The following RAPGEF6 variants were observed in gnomAD, a reference collection of about 807,000 sequenced individuals.
RAPGEF6 encodes PDZ domain containing guanine nucleotide exchange factor (GEF) 2.
RAPGEF6 carries 56 observed loss-of-function variants against 171.4 expected under a neutral mutation model. That is an observed-to-expected ratio of 0.33 (90% CI 0.26 to 0.41). The LOEUF is 0.41. Ranked by LOEUF, RAPGEF6 falls within the 10% of genes least tolerant of loss-of-function variation. RAPGEF6 has a pLI of 1.00. For missense variants in RAPGEF6, 1,674 were observed against 1,921.4 expected, an observed-to-expected ratio of 0.87 and a Z score of 2.41; for synonymous variants, 692 against 650.1, an observed-to-expected ratio of 1.06 and a Z score of -0.98.
chr5:131,479,556 A>C lies in RAPGEF6; in HGVS notation c.2038T>G (p.Leu680Val), dbSNP rs747206979. 1 of 1,613,988 alleles carries C rather than the reference A, an allele frequency of 6.2e-7. No individual in the cohort carries two copies. The highest frequency in any genetic ancestry group is 2.2e-5 in the East Asian group (1 of 44,832). ...AAGATACTAAATCGTGTTTTATCCAAAATCTTCCTGATTTTGTTTCTTCCA... is the reference window on the plus strand; with the variant it reads ...AAGATACTAAATCGTGTTTTATCCACAATCTTCCTGATTTTGTTTCTTCCA... ...SGGRNKIRKI[L>V]DKTRFSILPP... is the part of the protein sequence containing the mutation. The change falls in exon 16 of 28, where the codon TTG becomes GTG. Residue 680 changes from leucine (L) to valine (V), a missense_variant. Leu to Val is a conservative substitution (Grantham distance 32). Around this residue, in one of 3 missense-constraint regions of RAPGEF6, gnomAD observed 1,116 missense variants for 1,321.5 expected, o/e 0.84. Transcript: ENST00000509018.
chr5:131,565,405 G>C (rs1761872165), intron 4 of RAPGEF6, among the ~76,000 whole-genome samples: 1 of 152,098 alleles, frequency 6.6e-6, no homozygotes, highest in Non-Finnish European at 1.5e-5. Context: ...CTTGTTTATG[G>C]ATTAAAATGG....
chr5:131,476,730 C>T (rs1221435794), intron 16 of RAPGEF6, among the ~76,000 whole-genome samples: 1 of 152,178 alleles, frequency 6.6e-6, no homozygotes, highest in Non-Finnish European at 1.5e-5. Context: ...TGGACTTTCA[C>T]AATGTTGGTC....
intron 7 of RAPGEF6, among the ~76,000 whole-genome samples, chr5:131,515,800 G>A (rs1270951016): frequency 6.6e-6 from 1 of 152,124 alleles, no homozygotes; most frequent in Admixed American, 6.5e-5. Context: ...AGGGAATAAC[G>A]TACATATGTG....
rs1193757838 is a variant in RAPGEF6 at position 131,424,839 on chromosome 5, A to AT, written c.*2426dup. 6.6e-6 allele frequency: 1 copy of AT among 152,362 alleles called. No individual in the cohort carries two copies. Among genetic ancestry groups the AT allele is most frequent in the Non-Finnish European group, 1.5e-5 (1 of 68,040 alleles). The allele number at this position is 152,362 out of a possible 1,614,324, so 9.4% of individuals were successfully genotyped here. A position where few individuals can be genotyped will look rare whatever the true frequency, so the allele number is the denominator to read the frequency against. ...TTAACTGCTTCAACAGTCTTGGCAG[A>AT]TTGAGAGTTGTGGCAGGAAGAGAGG... On this transcript the variant is annotated 3_prime_UTR_variant, in exon 28 of 28. Transcript: ENST00000509018.
intron 5 of RAPGEF6, among the ~76,000 whole-genome samples, chr5:131,553,462 C>G (rs921482408): frequency 6.6e-6 from 1 of 152,142 alleles, no homozygotes; most frequent in African/African-American, 2.4e-5. Context: ...ATCAACAGAG[C>G]AGTCTACAAG....
intron 23 of RAPGEF6, among the ~76,000 whole-genome samples, chr5:131,442,096 A>C (rs137940585): frequency 0.015 from 2,257 of 152,320 alleles, 30 homozygotes; most frequent in Non-Finnish European, 0.023. Flanking sequence ...TGGTACCCAA[A>C]ATGTATTGCT....
At chr5:131,617,730 C>A (rs1301303720) in intron 1 of RAPGEF6, among the ~76,000 whole-genome samples, 7 of 152,154 alleles carry the variant, frequency 4.6e-5, no homozygotes, top group Admixed American at 4.6e-4. Context: ...CCCGTCTCTA[C>A]TAAAAATACA....
intron 3 of RAPGEF6, among the ~76,000 whole-genome samples, chr5:131,597,796 A>G (rs1763988924): frequency 6.6e-6 from 1 of 152,196 alleles, no homozygotes; most frequent in Non-Finnish European, 1.5e-5. Flanking sequence ...TCCATTGCAC[A>G]GTAGGATTAT....
At chr5:131,574,483 T>C (rs1252772601) in intron 4 of RAPGEF6, among the ~76,000 whole-genome samples, 2 of 152,128 alleles carry the variant, frequency 1.3e-5, no homozygotes, top group African/African-American at 4.8e-5. Context: ...AAGGGCCTGT[T>C]TTCCTTGCCT....
intron 4 of RAPGEF6, among the ~76,000 whole-genome samples, chr5:131,583,854 G>A (rs965265440): frequency 3.9e-5 from 6 of 152,126 alleles, no homozygotes; most frequent in African/African-American, 1.4e-4. Flanking sequence ...ACTGCATTAA[G>A]AAGAAATGAA....
chr5:131,566,817 T>G (rs1360117597), intron 4 of RAPGEF6, among the ~76,000 whole-genome samples: 1 of 151,964 alleles, frequency 6.6e-6, no homozygotes, highest in Admixed American at 6.6e-5. Flanking sequence ...GATCATAAAT[T>G]TCCTTTGTAG....
intron 16 of RAPGEF6, among the ~76,000 whole-genome samples, chr5:131,475,453 T>A (rs31240): frequency 0.77 from 117,440 of 152,102 alleles, 45,664 homozygotes; most frequent in African/African-American, 0.83. Context: ...GTAAATAAAA[T>A]AGAATCCCAA....
chr5:131,470,115 C>T (rs1049793302), intron 17 of RAPGEF6, among the ~76,000 whole-genome samples: 12 of 151,760 alleles, frequency 7.9e-5, no homozygotes, highest in Non-Finnish European at 4.4e-5. Flanking sequence ...AAATAATATC[C>T]ATCACTAGAT....
Position 131,508,077 on chromosome 5 carries a change from C to A in RAPGEF6, c.936G>T (p.Gly312=). Residue 312 remains glycine, a synonymous_variant, in exon 9 of 28, where the codon GGG becomes GGT. Transcript: ENST00000509018. ...EQAGAIILED[G]QELDSWYVIL... ...AATTTATTTATTGACCTACCTCTTG[C>A]CCATCTTCAAGAATAATAGCTCCAG... 6.3e-7 allele frequency: 1 copy of A among 1,599,858 alleles called. No homozygotes were observed. The highest frequency in any genetic ancestry group is 8.5e-7 in the Non-Finnish European group (1 of 1,173,198).
intron 4 of RAPGEF6, among the ~76,000 whole-genome samples, chr5:131,569,853 C>G (rs1762168214): frequency 6.6e-6 from 1 of 151,870 alleles, no homozygotes; most frequent in Non-Finnish European, 1.5e-5. Flanking sequence ...CCAGCCTGGC[C>G]AACGTGGTGC....
chr5:131,582,276 G>T (rs1298170986), intron 4 of RAPGEF6, among the ~76,000 whole-genome samples: 3 of 152,106 alleles, frequency 2.0e-5, no homozygotes, highest in Non-Finnish European at 2.9e-5. Flanking sequence ...CAAAAAGTTG[G>T]GAAATATACC....
At chr5:131,631,524 TACTATC>T (rs1055737848) in intron 1 of RAPGEF6, among the ~76,000 whole-genome samples, 11 of 152,206 alleles carry the variant, frequency 7.2e-5, no homozygotes, top group Non-Finnish European at 1.6e-4. Flanking sequence ...CCACTTCCAT[TACTATC>T]ACTATCACTT....
chr5:131,595,503 T>TA (rs1473454141), intron 3 of RAPGEF6, among the ~76,000 whole-genome samples: 3 of 152,146 alleles, frequency 2.0e-5, no homozygotes, highest in African/African-American at 7.2e-5. Flanking sequence ...GCTATCAGCT[T>TA]AAAATAGTGC....
At chr5:131,465,051 C>T (rs542593060) in intron 17 of RAPGEF6, among the ~76,000 whole-genome samples, 43 of 152,042 alleles carry the variant, frequency 2.8e-4, no homozygotes, top group African/African-American at 1.0e-3. Flanking sequence ...TTTAATGAAC[C>T]ATTATGTCTT....
Sources: allele counts gnomAD v4.1 joint callset (sites outside exome capture counted in the v4.1 genomes callset), GRCh38; gene constraint gnomAD v4.1.1; regional missense constraint gnomAD v4.1.1; transcripts MANE v1.5; gene names NCBI Gene and HGNC (gene_info 2026-07-23, HGNC 2026-07-21).